Variants in MLXIP observed in about 807,000 individuals in gnomAD.
MLXIP encodes MLX interacting protein.
In MLXIP, 30 loss-of-function variants were observed where a neutral mutation model predicts 87.2. That is an observed-to-expected ratio of 0.34 (90% confidence interval 0.26 to 0.47). The LOEUF is 0.47. Among genes scored for constraint, MLXIP ranks in the 20% least tolerant of loss-of-function variants. The pLI, the probability that MLXIP is intolerant of heterozygous loss-of-function variation, is 1.00. For missense variants in MLXIP, 1,002 were observed against 1,240.1 expected, an observed-to-expected ratio of 0.81 and a Z score of 2.88; for synonymous variants, 530 against 514.0, an observed-to-expected ratio of 1.03 and a Z score of -0.42.
At chr12:122,091,345 A>G (rs975081307) in intron 1 of MLXIP, among the ~76,000 whole-genome samples, 3 of 152,118 alleles carry the variant, frequency 2.0e-5, no homozygotes, top group Non-Finnish European at 4.4e-5. Flanking sequence ...TGACGTGGGA[A>G]TTGGTTTCTT....
chr12:122,091,169 ATTATCT>A (rs1282071725), intron 1 of MLXIP, among the ~76,000 whole-genome samples: 1 of 152,192 alleles, frequency 6.6e-6, no homozygotes, highest in Non-Finnish European at 1.5e-5. Context: ...GACTTTCAAC[ATTATCT>A]TTAGGAATCT....
rs1233404015 is a variant in MLXIP, at chr12:122,121,010, G to GTTTTTTTTTTTTTTTTTTTTTTTTTTT, written c.414-6228_414-6227insTTTTTTTTTTTTTTTTTTTTTTTTTTT. ...AGCCCCAGAGCCCTCTGCATGCTTG[G>GTTTTTTTTTTTTTTTTTTTTTTTTTTT]TTTTTTTTTTTTTTTTTTGAAACGG... On this transcript the variant is annotated intron_variant, in intron 1 of 16. Transcript: ENST00000319080. 2.9e-4 allele frequency among the ~76,000 whole-genome samples: 33 copies of GTTTTTTTTTTTTTTTTTTTTTTTTTTT among 111,894 alleles called. 2 individuals are homozygous for GTTTTTTTTTTTTTTTTTTTTTTTTTTT. Among genetic ancestry groups the GTTTTTTTTTTTTTTTTTTTTTTTTTTT allele is most frequent in the South Asian group, 1.4e-3 (5 of 3,514 alleles). The allele number at this position is 111,894 out of a possible 152,430, so 73.4% of individuals were successfully genotyped here.
rs561013057 is a variant in MLXIP at position 122,135,036 on chromosome 12, C to G, written c.1733-188C>G. The G allele has an allele frequency of 8.6e-5, 56 of 649,384 alleles. No homozygotes were observed. In the African/African-American group the frequency reaches 8.7e-4, roughly 10 times the overall value. The allele number at this position is 649,384 out of a possible 1,614,324, so 40.2% of individuals were successfully genotyped here. ...TGTGAAAACATGGTCCTGGCCATCTCTTTCCTGGGTCTATAACATGTCTCC... is the reference window on the plus strand; with the variant it reads ...TGTGAAAACATGGTCCTGGCCATCTGTTTCCTGGGTCTATAACATGTCTCC... On this transcript the variant is annotated intron_variant, in intron 9 of 16. Transcript: ENST00000319080. The surrounding 1 kb of genome is among the most constrained non-coding windows in gnomAD (Gnocchi z 5.3).
chr12:122,087,981 C>T (rs1158735843), intron 1 of MLXIP, among the ~76,000 whole-genome samples: 3 of 152,176 alleles, frequency 2.0e-5, no homozygotes, highest in East Asian at 1.9e-4. Flanking sequence ...GGGCAAGGAG[C>T]GGTCAGCTGT....
At chr12:122,105,844 G>A (rs1011629871) in intron 1 of MLXIP, among the ~76,000 whole-genome samples, 1 of 147,280 alleles carries the variant, frequency 6.8e-6, no homozygotes, top group Non-Finnish European at 1.5e-5. Context: ...TCTCTCTCTT[G>A]TTCCCTTCTT....
At chr12:122,129,026 C>A in intron 3 of MLXIP, 111 bp from the exon 4 acceptor site, 1 of 821,052 alleles carries the variant, frequency 1.2e-6, no homozygotes, top group Admixed American at 2.1e-5. Context: ...TGTGGGGTTT[C>A]CCGCTGGATT....
At chr12:122,095,175 C>CGGTGTGGT (rs1358822536) in intron 1 of MLXIP, among the ~76,000 whole-genome samples, 1 of 77,300 alleles carries the variant, frequency 1.3e-5, no homozygotes, top group African/African-American at 4.3e-5. Flanking sequence ...GTGGTGAGTG[C>CGGTGTGGT]GGTGTGGTGG....
Position 122,135,778 on chromosome 12 carries a change from C to CA in MLXIP, c.2032+113dup. 1.6e-6 allele frequency: 2 copies of CA among 1,282,290 alleles called. No homozygotes were observed. The highest frequency in any genetic ancestry group is 2.1e-6 in the Non-Finnish European group (2 of 965,692). The allele number at this position is 1,282,290 out of a possible 1,614,324, so 79.4% of individuals were successfully genotyped here. A position where few individuals can be genotyped will look rare whatever the true frequency, so the allele number is the denominator to read the frequency against. On this transcript the variant is annotated intron_variant, in intron 11 of 16. Coordinates refer to ENST00000319080, the MANE Select transcript of MLXIP (RefSeq NM_014938.6). This position sits in a 1 kb window ranked among gnomAD's most constrained non-coding sequence, Gnocchi z 5.3. ...CCCAGGACGGAGCCTGGGCTTAGGA[C>CA]ACACAGTGAGGTCTTGTAGGCCTGC...
At chr12:122,127,211 T>C (rs1166098239) in intron 1 of MLXIP, 45 bp from the exon 2 acceptor site, 2 of 1,479,638 alleles carry the variant, frequency 1.4e-6, no homozygotes. Flanking sequence ...TTCACTTCAA[T>C]TTCAGAGTAA....
chr12:122,131,441 CTTTTTTTTTTT>C (rs1174308802), intron 7 of MLXIP, among the ~76,000 whole-genome samples: 1 of 76,546 alleles, frequency 1.3e-5, no homozygotes, highest in African/African-American at 5.1e-5. Context: ...TTGTTTGAGT[CTTTTTTTTTTT>C]TTTTTTTTTT....
At chr12:122,121,186 T>A (rs1056224245) in intron 1 of MLXIP, among the ~76,000 whole-genome samples, 4 of 151,662 alleles carry the variant, frequency 2.6e-5, no homozygotes, top group Non-Finnish European at 4.4e-5. Flanking sequence ...ATTTTTGTAT[T>A]TTTAGTAGAG....
chr12:122,084,362 G>A (rs1251134620), intron 1 of MLXIP, among the ~76,000 whole-genome samples: 2 of 152,160 alleles, frequency 1.3e-5, no homozygotes, highest in African/African-American at 4.8e-5. Context: ...TGTAGACGCT[G>A]GTTGGTTCAT....
chr12:122,093,014 G>T (rs1481993198), intron 1 of MLXIP, among the ~76,000 whole-genome samples: 2 of 142,846 alleles, frequency 1.4e-5, no homozygotes, highest in South Asian at 4.6e-4. Flanking sequence ...GTGTGGTGTG[G>T]TCTGTGTATA....
chr12:122,142,170 G>A lies in MLXIP; in HGVS notation c.*358G>A, dbSNP rs558421156. 3 of 701,444 alleles carry A rather than the reference G, an allele frequency of 4.3e-6. No homozygotes were observed. Among genetic ancestry groups the A allele is most frequent in the South Asian group, 3.0e-5 (2 of 66,768 alleles). 43.5% of individuals were successfully genotyped at this position (701,444 alleles called of 1,614,324 possible). ...CGGTGAGCGGAATCGATGGGATGAGGGTGACAGGGCCTGCTCCTGTCCTGA... is the reference window on the plus strand; with the variant it reads ...CGGTGAGCGGAATCGATGGGATGAGAGTGACAGGGCCTGCTCCTGTCCTGA... On this transcript the variant is annotated 3_prime_UTR_variant, in exon 17 of 17. Transcript: ENST00000319080.
intron 1 of MLXIP, among the ~76,000 whole-genome samples, chr12:122,118,744 A>C (rs867114406): frequency 6.6e-6 from 1 of 150,928 alleles, no homozygotes; most frequent in South Asian, 2.1e-4. Flanking sequence ...GCTACTCAGG[A>C]GGCTTAGGCA....
At chr12:122,128,157 C>G (rs1355083580) in intron 3 of MLXIP, 189 bp downstream of exon 3, 3 of 576,598 alleles carry the variant, frequency 5.2e-6, no homozygotes. Context: ...TGCAGAGCCT[C>G]CCCCTTCTCA....
chr12:122,092,100 TTCTTTTC>T (rs1330304367), intron 1 of MLXIP, among the ~76,000 whole-genome samples: 2 of 151,778 alleles, frequency 1.3e-5, no homozygotes, highest in African/African-American at 4.9e-5. Flanking sequence ...CTTTTCTTTT[TTCTTTTC>T]TTTTCTTTGA....
In MLXIP at chr12:122,114,444, G is replaced by C. The variant is rs917453439; in HGVS notation, c.414-12812G>C. Among the ~76,000 whole-genome samples, 4 of 152,184 alleles carry C rather than the reference G, an allele frequency of 2.6e-5. No individual in the cohort carries two copies. The East Asian group carries it at 7.7e-4, about 29-fold the overall frequency. The stretch of plus-strand genomic sequence containing the variant: ...GATTCAAATTAAAATCAGCCAAGAC[G>C]CAAGTTTTTACTGGACTTGATCCAT... On this transcript the variant is annotated intron_variant, in intron 1 of 16. Coordinates refer to ENST00000319080, the MANE Select transcript of MLXIP (RefSeq NM_014938.6).
intron 6 of MLXIP, among the ~76,000 whole-genome samples, chr12:122,130,429 G>T (rs1952957954): frequency 6.6e-6 from 1 of 151,716 alleles, no homozygotes; most frequent in Non-Finnish European, 1.5e-5. Flanking sequence ...CGTGTGCCGT[G>T]CCTAAGCCGA....
Sources: allele counts gnomAD v4.1 joint callset (sites outside exome capture counted in the v4.1 genomes callset), GRCh38; gene constraint gnomAD v4.1.1; non-coding constraint Gnocchi (gnomAD v3.1); transcripts MANE v1.5; gene names NCBI Gene and HGNC (gene_info 2026-07-23, HGNC 2026-07-21).